PHACTR3: variants seen among roughly 807,000 people sequenced by gnomAD.
PHACTR3 encodes the protein protein phosphatase 1, regulatory subunit 123.
In PHACTR3, 16 loss-of-function variants were observed where a neutral mutation model predicts 66.8. That is an observed-to-expected ratio of 0.24 (90% CI 0.16 to 0.36). PHACTR3 has a LOEUF of 0.36. PHACTR3 is among the 10% of genes least tolerant of loss of function. The probability of loss-of-function intolerance (pLI) is 1.00; values close to 1 mark genes in which losing one functional copy is unlikely to be tolerated. For synonymous variants in PHACTR3, 323 were observed against 292.1 expected, an observed-to-expected ratio of 1.11 and a Z score of -1.08; for missense variants, 647 against 719.9, an observed-to-expected ratio of 0.90 and a Z score of 1.16.
At chr20:59,814,286 C>A (rs2041826423) in intron 8 of PHACTR3, among the ~76,000 whole-genome samples, 1 of 152,158 alleles carries the variant, frequency 6.6e-6, no homozygotes, top group African/African-American at 2.4e-5. Context: ...CGCGGGGCTG[C>A]AGAGAGGACG....
intron 7 of PHACTR3, among the ~76,000 whole-genome samples, chr20:59,788,597 G>A (rs911381828): frequency 6.6e-6 from 1 of 152,120 alleles, no homozygotes; most frequent in South Asian, 2.1e-4. Flanking sequence ...TCTCTCTTGA[G>A]GCTCAACCTC....
At chr20:59,629,255 C>T (rs1462685930) in intron 1 of PHACTR3, among the ~76,000 whole-genome samples, 1 of 152,194 alleles carries the variant, frequency 6.6e-6, no homozygotes, top group Non-Finnish European at 1.5e-5. Flanking sequence ...GGGGCAGCCT[C>T]CTCCTGGCCC....
At chr20:59,690,036 C>A (rs1601112164) in intron 1 of PHACTR3, among the ~76,000 whole-genome samples, 1 of 152,120 alleles carries the variant, frequency 6.6e-6, no homozygotes, top group East Asian at 1.9e-4. Flanking sequence ...AGTCTATATC[C>A]CTTCCTCAAT....
At chr20:59,726,549 T>G (rs1305843602) in intron 1 of PHACTR3, among the ~76,000 whole-genome samples, 1 of 152,204 alleles carries the variant, frequency 6.6e-6, no homozygotes, top group East Asian at 1.9e-4. Context: ...TTGGCTTTGT[T>G]GGTCCAGCCC....
At chr20:59,603,024 A>C (rs1172481737), upstream of PHACTR3, among the ~76,000 whole-genome samples, 2 of 152,176 alleles carry the variant, frequency 1.3e-5, no homozygotes, top group African/African-American at 2.4e-5. Flanking sequence ...CAGTTGTAGG[A>C]AGGAATGAGG....
At chr20:59,767,075 T>C in intron 4 of PHACTR3, 111 bp from the exon 5 acceptor site, 1 of 1,023,416 alleles carries the variant, frequency 9.8e-7, no homozygotes, top group Non-Finnish European at 1.5e-6. Flanking sequence ...AGGTCACTGC[T>C]CTGTATGCTC....
chr20:59,838,838 A>AATAAGAAATCCATAAACATATCAC (rs2059010022), intron 9 of PHACTR3, among the ~76,000 whole-genome samples: 1 of 152,120 alleles, frequency 6.6e-6, no homozygotes, highest in Admixed American at 6.5e-5. Flanking sequence ...TGGGTCTGGA[A>AATAAGAAATCCATAAACATATCAC]ATAAGAAATC....
intron 1 of PHACTR3, among the ~76,000 whole-genome samples, chr20:59,634,835 G>T (rs993440653): frequency 6.6e-6 from 1 of 152,306 alleles, no homozygotes; most frequent in African/African-American, 2.4e-5. Flanking sequence ...TCGAAATGTG[G>T]CTCATGCAAC....
At chr20:59,779,881 A>T (rs1252051794) in intron 7 of PHACTR3, among the ~76,000 whole-genome samples, 1 of 152,234 alleles carries the variant, frequency 6.6e-6, no homozygotes, top group African/African-American at 2.4e-5. Flanking sequence ...CTCATTCTCC[A>T]GTCATCAAAA....
At chr20:59,665,232 T>A (rs1346788054) in intron 1 of PHACTR3, among the ~76,000 whole-genome samples, 1 of 152,230 alleles carries the variant, frequency 6.6e-6, no homozygotes, top group Non-Finnish European at 1.5e-5. Flanking sequence ...TTCAAGTATG[T>A]GGCTCTCTCT....
At chr20:59,765,296 C>T (rs970712997) in intron 4 of PHACTR3, among the ~76,000 whole-genome samples, 1 of 152,110 alleles carries the variant, frequency 6.6e-6, no homozygotes, top group African/African-American at 2.4e-5. Context: ...CTTTTGAGGA[C>T]AGTTTAATGT....
chr20:59,806,312 A>G lies in PHACTR3; in HGVS notation c.1328+118A>G. On this transcript the variant is annotated intron_variant, in intron 8 of 12. Transcript: ENST00000371015. ...GGACGCACAACCCACCGTCTGCAGC[A>G]GGTCTCTTGACCCCGCCACCGTTGA... The G allele has an allele frequency of 3.7e-6, 5 of 1,342,854 alleles. No homozygotes were observed. In the South Asian group the frequency reaches 5.8e-5, roughly 15 times the overall value. 83.2% of individuals were successfully genotyped at this position (1,342,854 alleles called of 1,614,324 possible). A position where few individuals can be genotyped will look rare whatever the true frequency, so the allele number is the denominator to read the frequency against.
At chr20:59,712,761 G>GGAAA (rs2037954292) in intron 1 of PHACTR3, among the ~76,000 whole-genome samples, 1 of 152,264 alleles carries the variant, frequency 6.6e-6, no homozygotes, top group South Asian at 2.1e-4. Flanking sequence ...ATTAAATTTA[G>GGAAA]GAAAGAAATA....
At chr20:59,628,508 G>A in intron 1 of PHACTR3, 2 of 434,398 alleles carry the variant, frequency 4.6e-6, no homozygotes, top group Non-Finnish European at 6.1e-6. Flanking sequence ...CCCTCGGAGT[G>A]CAGCCGTGCA....
rs1284455186 is a variant in PHACTR3 at position 59,605,010 on chromosome 20, G to T, written c.-5G>T. 2.6e-5 allele frequency: 34 copies of T among 1,322,232 alleles called. No individual in the cohort carries two copies. Among genetic ancestry groups the T allele is most frequent in the Admixed American group, 3.7e-5 (1 of 26,790 alleles). The allele number at this position is 1,322,232 out of a possible 1,614,324, so 81.9% of individuals were successfully genotyped here. On this transcript the variant is annotated 5_prime_UTR_variant, in exon 1 of 13. Coordinates refer to ENST00000371015, the MANE Select transcript of PHACTR3 (RefSeq NM_080672.5). ...CTCTAACTTGCCCCCGCGCCGGCCG[G>T]GCCCATGGCCGCGTCGGAGGACGGG...
At chr20:59,707,528 A>G (rs907108595) in intron 1 of PHACTR3, among the ~76,000 whole-genome samples, 23 of 139,682 alleles carry the variant, frequency 1.6e-4, no homozygotes, top group Non-Finnish European at 1.2e-4. Context: ...TGGCAGTGGC[A>G]TAATCTCAGC....
chr20:59,668,295 T>C (rs897799145), intron 1 of PHACTR3, among the ~76,000 whole-genome samples: 6 of 151,854 alleles, frequency 4.0e-5, no homozygotes, highest in African/African-American at 1.5e-4. Context: ...TGTACGGGGT[T>C]AGAGGTGGAC....
intron 4 of PHACTR3, among the ~76,000 whole-genome samples, chr20:59,765,296 C>G (rs970712997): frequency 6.6e-6 from 1 of 152,110 alleles, no homozygotes; most frequent in Admixed American, 6.5e-5. Context: ...CTTTTGAGGA[C>G]AGTTTAATGT....
rs2034556641 is a variant in PHACTR3, at chr20:59,628,768, G to A, written c.118+23636G>A. 3.0e-6 allele frequency: 3 copies of A among 985,436 alleles called. No individual in the cohort carries two copies. The South Asian group carries it at 1.4e-4, about 46-fold the overall frequency. The allele number at this position is 985,436 out of a possible 1,614,324, so 61.0% of individuals were successfully genotyped here. A position where few individuals can be genotyped will look rare whatever the true frequency, so the allele number is the denominator to read the frequency against. On this transcript the variant is annotated intron_variant, in intron 1 of 12. Coordinates refer to ENST00000371015, the MANE Select transcript of PHACTR3 (RefSeq NM_080672.5). Reference sequence around the variant, plus strand: ...TGGATTTGTGGGACCCTGGAAGGCTGGGAAGAGGACTGAGAAGCCACAGCC... The same window carrying A: ...TGGATTTGTGGGACCCTGGAAGGCTAGGAAGAGGACTGAGAAGCCACAGCC...
Sources: gnomAD v4.1 joint callset for allele counts (sites outside exome capture counted in the v4.1 genomes callset) on GRCh38, gnomAD v4.1.1 for gene constraint, MANE v1.5 for transcripts, NCBI Gene and HGNC (gene_info 2026-07-23, HGNC 2026-07-21) for gene names.